LUZP2: variants seen among roughly 807,000 people sequenced by gnomAD.
LUZP2 encodes the protein leucine zipper protein 2.
LUZP2 carries 52 observed loss-of-function variants against 51.6 expected under a neutral mutation model. That is an observed-to-expected ratio of 1.01 (90% CI 0.81 to 1.27). The LOEUF (loss-of-function observed/expected upper bound fraction) is 1.27, where lower values mean the gene tolerates loss of function less well. Ranked by LOEUF, LUZP2 falls within the 50% of genes most tolerant of loss-of-function variation. The pLI, the probability that LUZP2 is intolerant of heterozygous loss-of-function variation, is 0.00. For synonymous variants in LUZP2, 154 were observed against 137.3 expected, an observed-to-expected ratio of 1.12 and a Z score of -0.85; for missense variants, 436 against 395.4, an observed-to-expected ratio of 1.10 and a Z score of -0.87.
At chr11:24,829,185 A>T (rs1056545823) in intron 5 of LUZP2, among the ~76,000 whole-genome samples, 11 of 152,184 alleles carry the variant, frequency 7.2e-5, no homozygotes, top group Non-Finnish European at 1.3e-4. Context: ...TGAAATGAAG[A>T]ATGACAAAGG....
chr11:25,073,651 T>G (rs1387535825), intron 10 of LUZP2, among the ~76,000 whole-genome samples: 1 of 152,212 alleles, frequency 6.6e-6, no homozygotes, highest in East Asian at 1.9e-4. Flanking sequence ...GAAACGTTTT[T>G]GCAGCCCCTC....
intron 1 of LUZP2, among the ~76,000 whole-genome samples, chr11:24,608,728 A>G (rs1469246184): frequency 6.6e-6 from 1 of 152,220 alleles, no homozygotes; most frequent in African/African-American, 2.4e-5. Flanking sequence ...TTGTTCAACA[A>G]ATATTATAAT....
At chr11:24,902,739 A>G (rs1853318277) in intron 5 of LUZP2, among the ~76,000 whole-genome samples, 1 of 152,172 alleles carries the variant, frequency 6.6e-6, no homozygotes, top group Non-Finnish European at 1.5e-5. Context: ...ATTATCATCT[A>G]TGTTTCCTCA....
chr11:25,058,050 G>A (rs998452708), intron 10 of LUZP2, among the ~76,000 whole-genome samples: 1 of 151,526 alleles, frequency 6.6e-6, no homozygotes, highest in African/African-American at 2.4e-5. Context: ...GTCATACCCT[G>A]CTGTAATTGG....
intron 1 of LUZP2, among the ~76,000 whole-genome samples, chr11:24,502,382 G>GTTTT (rs571708487): frequency 7.6e-6 from 1 of 132,192 alleles, no homozygotes; most frequent in East Asian, 2.3e-4. Flanking sequence ...AAAGTATTTT[G>GTTTT]TTTGTTTGTT....
intron 5 of LUZP2, among the ~76,000 whole-genome samples, chr11:24,765,809 A>G (rs1860169414): frequency 1.3e-5 from 2 of 151,766 alleles, no homozygotes; most frequent in South Asian, 4.2e-4. Context: ...TGTATTTTTA[A>G]TGAAGACAGG....
chr11:24,654,843 C>A (rs1855753710), intron 1 of LUZP2, among the ~76,000 whole-genome samples: 1 of 150,484 alleles, frequency 6.6e-6, no homozygotes, highest in African/African-American at 2.4e-5. Flanking sequence ...TTTTTTGTAA[C>A]CTTTTGAATG....
At chr11:24,716,252 C>A (rs561925236) in intron 1 of LUZP2, among the ~76,000 whole-genome samples, 9 of 152,172 alleles carry the variant, frequency 5.9e-5, no homozygotes, top group African/African-American at 2.2e-4. Context: ...TTTGGGAAAA[C>A]CAAATCTTGA....
At chr11:24,757,109 G>A (rs1236088383) in intron 4 of LUZP2, among the ~76,000 whole-genome samples, 1 of 152,110 alleles carries the variant, frequency 6.6e-6, no homozygotes, top group Non-Finnish European at 1.5e-5. Context: ...AGCTCAGGAG[G>A]GCCTGAGAAC....
intron 7 of LUZP2, among the ~76,000 whole-genome samples, chr11:24,933,849 A>G (rs1363238376): frequency 6.6e-6 from 1 of 152,042 alleles, no homozygotes; most frequent in African/African-American, 2.4e-5. Context: ...TAGTTCTTAT[A>G]GGTTTGGGAT....
intron 5 of LUZP2, among the ~76,000 whole-genome samples, chr11:24,869,242 G>A (rs1484153115): frequency 1.3e-5 from 2 of 152,106 alleles, no homozygotes; most frequent in Non-Finnish European, 2.9e-5. Flanking sequence ...ATTAGACAGA[G>A]TATTTGAAGC....
intron 1 of LUZP2, among the ~76,000 whole-genome samples, chr11:24,598,761 A>G (rs1225319869): frequency 6.6e-6 from 1 of 152,174 alleles, no homozygotes; most frequent in African/African-American, 2.4e-5. Flanking sequence ...CCTAAAGCAA[A>G]TCTTTATGGC....
chr11:24,809,447 C>T (rs898642544), intron 5 of LUZP2, among the ~76,000 whole-genome samples: 3 of 152,028 alleles, frequency 2.0e-5, no homozygotes, highest in Non-Finnish European at 4.4e-5. Flanking sequence ...CTAAATCTGC[C>T]GCCCCAAGTT....
chr11:24,629,551 T>TAC (rs1477404058), intron 1 of LUZP2, among the ~76,000 whole-genome samples: 4 of 146,066 alleles, frequency 2.7e-5, no homozygotes, highest in Non-Finnish European at 6.0e-5. Flanking sequence ...TTCCATTGCA[T>TAC]ATATATATAT....
At chr11:24,947,018 G>C (rs1854919095) in intron 7 of LUZP2, among the ~76,000 whole-genome samples, 1 of 151,834 alleles carries the variant, frequency 6.6e-6, no homozygotes, top group Non-Finnish European at 1.5e-5. Flanking sequence ...GAAGTTAGGG[G>C]CACCAACCCC....
At chr11:24,591,985 A>G (rs1432347874) in intron 1 of LUZP2, among the ~76,000 whole-genome samples, 2 of 152,204 alleles carry the variant, frequency 1.3e-5, no homozygotes, top group African/African-American at 4.8e-5. Flanking sequence ...CTTTCCTGTA[A>G]TAGACCTGTT....
chr11:24,852,084 T>A (rs2450421), intron 5 of LUZP2, among the ~76,000 whole-genome samples: 22,973 of 150,218 alleles, frequency 0.15, 1,868 homozygotes, highest in African/African-American at 0.2. Context: ...CTGATTTTTT[T>A]TAAGATTTTT....
chr11:24,637,579 C>G (rs1397055272), intron 1 of LUZP2, among the ~76,000 whole-genome samples: 2 of 151,716 alleles, frequency 1.3e-5, no homozygotes, highest in Non-Finnish European at 2.9e-5. Flanking sequence ...CAAGGAATAA[C>G]CCTGGGGAAG....
chr11:24,580,675 T>C lies in LUZP2; in HGVS notation c.62+83370T>C, dbSNP rs189413071. ...AATGTGATAAACAGCTGATGAATTA[T>C]TCAATACTTAATGTTCATTCTGCAG... On this transcript the variant is annotated intron_variant, in intron 1 of 11. Coordinates refer to ENST00000336930, the MANE Select transcript of LUZP2 (RefSeq NM_001009909.4). Among the ~76,000 whole-genome samples, 102 of 152,294 alleles carry C rather than the reference T, an allele frequency of 6.7e-4. 1 individual carries two copies. The highest frequency in any genetic ancestry group is 6.8e-3 in the Middle Eastern group (2 of 294).
Sources: gnomAD v4.1 joint callset for allele counts (sites outside exome capture counted in the v4.1 genomes callset) on GRCh38, gnomAD v4.1.1 for gene constraint, MANE v1.5 for transcripts, NCBI Gene and HGNC (gene_info 2026-07-23, HGNC 2026-07-21) for gene names.